PPP4R3B: variants seen among roughly 807,000 people sequenced by gnomAD.
PPP4R3B encodes the protein serine/threonine-protein phosphatase 4 regulatory subunit 3B.
Under a neutral mutation model 95.4 loss-of-function variants are expected in PPP4R3B, and 52 were observed. The ratio of observed to expected loss-of-function variants is 0.54; its 90% confidence interval spans 0.44 to 0.69. The LOEUF (loss-of-function observed/expected upper bound fraction) is 0.69, where lower values mean the gene tolerates loss of function less well. PPP4R3B is among the 30% of genes least tolerant of loss of function. The pLI is 0.00. For missense variants in PPP4R3B, 1,003 were observed against 1,005.9 expected (o/e 1.00, Z 0.04); for synonymous variants, 407 against 343.9 (o/e 1.18, Z -2.03).
chr2:55,574,366 T>C (rs765561492), intron 11 of PPP4R3B, among the ~76,000 whole-genome samples: 3 of 151,812 alleles, frequency 2.0e-5, no homozygotes, highest in Admixed American at 6.6e-5. Context: ...ATGATAATAA[T>C]ACCTTGATGG....
intron 2 of PPP4R3B, 147 bp downstream of exon 2, chr2:55,615,304 A>C: frequency 1.5e-6 from 1 of 665,874 alleles, no homozygotes. Flanking sequence ...TTCAGTCTGA[A>C]ACTTTTAACC....
chr2:55,580,600 C>G (rs1689325755), intron 8 of PPP4R3B, among the ~76,000 whole-genome samples: 2 of 152,136 alleles, frequency 1.3e-5, no homozygotes, highest in Admixed American at 1.3e-4. Context: ...CTTTATCAAG[C>G]CACTGGATGA....
chr2:55,572,544 G>A (rs1005713510), intron 12 of PPP4R3B, among the ~76,000 whole-genome samples: 2 of 152,146 alleles, frequency 1.3e-5, no homozygotes, highest in African/African-American at 4.8e-5. Flanking sequence ...GTATCAGATT[G>A]ATAACATTTT....
intron 2 of PPP4R3B, chr2:55,615,208 T>A (rs1694722323): frequency 4.7e-6 from 2 of 422,422 alleles, no homozygotes; most frequent in African/African-American, 4.2e-5. Flanking sequence ...TAACTACAGT[T>A]AAATAATACT....
chr2:55,564,384 G>A lies in PPP4R3B; in HGVS notation c.2189C>T (p.Ala730Val), dbSNP rs1351994982. ...DEEEEGKAVV[A>V]PVEKPKPEDD... The stretch of plus-strand genomic sequence containing the variant: ...TTCTGGCTTAGGTTTTTCCACTGGT[G>A]CCACAACTGCTTTTCCTTCCTCTTC... The change falls in exon 15 of 17, where the codon GCA (alanine) becomes GTA (valine). Residue 730 changes from alanine to valine, a missense_variant. This residue lies in a region of PPP4R3B where 229 missense variants were observed against 194.7 expected (regional missense o/e 1.18). Transcript: ENST00000616407. 1 of 1,613,806 alleles carries A rather than the reference G, an allele frequency of 6.2e-7. No homozygotes were observed. Among genetic ancestry groups the A allele is most frequent in the Non-Finnish European group, 8.5e-7 (1 of 1,179,888 alleles).
Position 55,578,288 on chromosome 2 carries a change from T to C in PPP4R3B, c.1523A>G (p.His508Arg), listed in dbSNP as rs1294141385. 2 of 1,482,686 alleles carry C rather than the reference T, an allele frequency of 1.3e-6. No individual in the cohort carries two copies. 91.8% of individuals were successfully genotyped at this position (1,482,686 alleles called of 1,614,324 possible). Residue 508 changes from histidine to arginine, a missense_variant, in exon 10 of 17, where the codon CAT (histidine) becomes CGT (arginine). Physicochemically the swap from His to Arg is conservative, Grantham distance 29 (BLOSUM62 0). Transcript: ENST00000616407. ...AGAGGGGGTAGAATGGGAATGGGAATGTGAAGGGGTACATATGAAACTCCA... is the reference window on the plus strand; with the variant it reads ...AGAGGGGGTAGAATGGGAATGGGAACGTGAAGGGGTACATATGAAACTCCA... ...YSWSFICTPS[H>R]SHSHSTPSSS...
intron 13 of PPP4R3B, among the ~76,000 whole-genome samples, chr2:55,567,826 G>A (rs1396598502): frequency 6.6e-6 from 1 of 152,154 alleles, no homozygotes; most frequent in Non-Finnish European, 1.5e-5. Context: ...TGACTGAAAT[G>A]TCCACATACA....
intron 6 of PPP4R3B, among the ~76,000 whole-genome samples, chr2:55,585,519 T>C (rs1334243543): frequency 6.6e-6 from 1 of 152,186 alleles, no homozygotes; most frequent in Non-Finnish European, 1.5e-5. Context: ...TAACGTCTCC[T>C]AGCTAAGACT....
chr2:55,594,995 T>A (rs1230959056), intron 4 of PPP4R3B, among the ~76,000 whole-genome samples: 1 of 151,270 alleles, frequency 6.6e-6, no homozygotes, highest in Non-Finnish European at 1.5e-5. Context: ...AGAGATAGAA[T>A]CTCAATTATT....
intron 15 of PPP4R3B, among the ~76,000 whole-genome samples, chr2:55,561,233 G>C (rs927768374): frequency 6.6e-6 from 1 of 152,218 alleles, no homozygotes; most frequent in Non-Finnish European, 1.5e-5. Flanking sequence ...CTGTGGGGTA[G>C]AGGCAAGAAC....
chr2:55,606,497 C>A (rs1027330836), intron 2 of PPP4R3B, among the ~76,000 whole-genome samples: 1 of 151,558 alleles, frequency 6.6e-6, no homozygotes, highest in Admixed American at 6.6e-5. Context: ...CCAGCCTGGG[C>A]AATGCAGTGA....
At position 55,564,888 on chromosome 2, in the gene PPP4R3B, T is replaced by A; in HGVS notation, c.2075+14A>T. On this transcript the variant is annotated intron_variant, in intron 14 of 16. Transcript: ENST00000616407. ...AGTTTTGTAGGCTATAAAAGCAGTA[T>A]ACTTAAACAATACCTGTTCAGTTTC... 1 of 1,605,770 alleles carries A rather than the reference T, an allele frequency of 6.2e-7. No individual in the cohort carries two copies. The highest frequency in any genetic ancestry group is 1.1e-5 in the South Asian group (1 of 88,642).
intron 16 of PPP4R3B, among the ~76,000 whole-genome samples, chr2:55,553,595 C>T (rs949791499): frequency 2.6e-5 from 4 of 152,088 alleles, no homozygotes; most frequent in Non-Finnish European, 4.4e-5. Flanking sequence ...CATAAACAGT[C>T]CTCATTCCCC....
At chr2:55,556,775 A>G (rs545811547) in intron 16 of PPP4R3B, among the ~76,000 whole-genome samples, 1 of 152,316 alleles carries the variant, frequency 6.6e-6, no homozygotes, top group South Asian at 2.1e-4. Context: ...TTTTTAAAAC[A>G]AGAAAGTCGG....
intron 4 of PPP4R3B, among the ~76,000 whole-genome samples, chr2:55,596,346 GAA>G (rs5831372): frequency 3.7e-3 from 554 of 151,646 alleles, no homozygotes; most frequent in Non-Finnish European, 6.1e-3. Context: ...CGTCTATTTC[GAA>G]AAAAAAAATC....
chr2:55,547,460 C>T lies in PPP4R3B; in HGVS notation c.*2451G>A, dbSNP rs1241529889. The T allele has an allele frequency of 1.3e-5, 2 of 152,172 alleles. No homozygotes were observed. The highest frequency in any genetic ancestry group is 2.9e-5 in the Non-Finnish European group (2 of 68,036). 9.4% of individuals were successfully genotyped at this position (152,172 alleles called of 1,614,324 possible). A position where few individuals can be genotyped will look rare whatever the true frequency, so the allele number is the denominator to read the frequency against. ...CTGCCTGAGGGTAGTCGTTTAAAGA[C>T]AGCCGCTAACATGGAATTCTCACAA... On this transcript the variant is annotated 3_prime_UTR_variant, in exon 17 of 17. Transcript: ENST00000616407.
In PPP4R3B at chr2:55,559,201, C is replaced by T. The variant is rs532616679; in HGVS notation, c.2261-233G>A. On this transcript the variant is annotated intron_variant, in intron 15 of 16. Coordinates refer to ENST00000616407, the MANE Select transcript of PPP4R3B (RefSeq NM_001122964.3). ...GTCTCTGCTAAAAATACAAAATTAG[C>T]CGGGTGTGGTGGCGCATGTCTATAA... Among the ~76,000 whole-genome samples, 19 of 152,002 alleles carry T rather than the reference C, an allele frequency of 1.2e-4. No homozygotes were observed. The Middle Eastern group carries it at 0.017, about 136-fold the overall frequency.
intron 12 of PPP4R3B, among the ~76,000 whole-genome samples, chr2:55,570,034 G>A (rs1687811030): frequency 6.6e-6 from 1 of 151,848 alleles, no homozygotes; most frequent in South Asian, 2.1e-4. Context: ...GGCAGATCAC[G>A]AGATCAGGAG....
intron 11 of PPP4R3B, 60 bp from the exon 12 acceptor site, chr2:55,573,837 T>A (rs1688301780): frequency 2.0e-6 from 2 of 1,018,240 alleles, no homozygotes; most frequent in African/African-American, 1.7e-5. Flanking sequence ...AAAGAATAAA[T>A]AAAGCTTACA....
Sources: gnomAD v4.1 joint callset for allele counts (sites outside exome capture counted in the v4.1 genomes callset) on GRCh38, gnomAD v4.1.1 for gene constraint, gnomAD v4.1.1 regional missense constraint, MANE v1.5 for transcripts, NCBI Gene and HGNC (gene_info 2026-07-23, HGNC 2026-07-21) for gene names.